CCDC33: variants seen among roughly 807,000 people sequenced by gnomAD.
CCDC33 encodes coiled-coil domain-containing protein 33.
A neutral mutation model predicts 91.9 loss-of-function variants in CCDC33; 94 were observed. The observed-to-expected ratio is 1.02, with a 90% CI of 0.87 to 1.21. CCDC33 has a LOEUF of 1.21. Ranked by LOEUF, CCDC33 falls within the 50% of genes most tolerant of loss-of-function variation. CCDC33 has a pLI of 0.00. For missense variants in CCDC33, 940 were observed against 935.5 expected (o/e 1.00, Z -0.06); for synonymous variants, 396 against 374.5 (o/e 1.06, Z -0.66).
At chr15:74,230,850 C>T (rs957976518) in intron 2 of CCDC33, among the ~76,000 whole-genome samples, 1 of 152,218 alleles carries the variant, frequency 6.6e-6, no homozygotes, top group Admixed American at 6.5e-5. Flanking sequence ...TCTGAGGGAT[C>T]AGGGGGTTTG....
At chr15:74,246,417 G>T (rs1463440190) in intron 2 of CCDC33, among the ~76,000 whole-genome samples, 2 of 152,330 alleles carry the variant, frequency 1.3e-5, no homozygotes, top group African/African-American at 4.8e-5. Flanking sequence ...TGCAAAACAT[G>T]TATCGGATAA....
chr15:74,224,086 G>A (rs748608), intron 2 of CCDC33, among the ~76,000 whole-genome samples: 63,956 of 152,088 alleles, frequency 0.42, 13,988 homozygotes, highest in South Asian at 0.61. Flanking sequence ...CTGTCATGGC[G>A]TTCTCAGAGA....
intron 11 of CCDC33, chr15:74,304,229 T>TG (rs1451387123): frequency 1.3e-5 from 2 of 152,184 alleles, no homozygotes; most frequent in Admixed American, 1.3e-4. Flanking sequence ...AACAAGAGAA[T>TG]GAGGGGCAAT....
chr15:74,306,510 A>C (rs1190908389), intron 11 of CCDC33, among the ~76,000 whole-genome samples: 1 of 152,130 alleles, frequency 6.6e-6, no homozygotes, highest in Non-Finnish European at 1.5e-5. Context: ...GAATCTGTTG[A>C]TCTGTTGAGT....
intron 5 of CCDC33, among the ~76,000 whole-genome samples, chr15:74,269,310 C>T (rs747263252): frequency 1.7e-4 from 26 of 152,262 alleles, no homozygotes; most frequent in Non-Finnish European, 3.4e-4. Context: ...TCCTTCCCAC[C>T]CCCCTACTTC....
chr15:74,289,113 G>T (rs951160531), intron 10 of CCDC33, among the ~76,000 whole-genome samples: 2 of 152,246 alleles, frequency 1.3e-5, no homozygotes, highest in African/African-American at 4.8e-5. Context: ...CTCGGTGCCC[G>T]CCCCTCATGA....
intron 10 of CCDC33, among the ~76,000 whole-genome samples, chr15:74,293,360 G>T (rs1192759905): frequency 6.6e-6 from 1 of 152,166 alleles, no homozygotes; most frequent in Admixed American, 6.5e-5. Context: ...TGGGAAGGTG[G>T]TCTTTGCCCT....
intron 11 of CCDC33, among the ~76,000 whole-genome samples, chr15:74,320,460 G>A (rs926580735): frequency 2.0e-5 from 3 of 151,998 alleles, no homozygotes; most frequent in Non-Finnish European, 2.9e-5. Context: ...CCCACACAAG[G>A]CCTGCCTCCC....
intron 13 of CCDC33, 70 bp downstream of exon 13, chr15:74,330,821 G>A: frequency 6.6e-7 from 1 of 1,512,560 alleles, no homozygotes; most frequent in Non-Finnish European, 9.1e-7. Context: ...AGAAGAGTCT[G>A]GGAGGAGAAG....
intron 2 of CCDC33, among the ~76,000 whole-genome samples, chr15:74,229,113 G>A (rs351170): frequency 0.64 from 97,460 of 152,080 alleles, 31,954 homozygotes; most frequent in Non-Finnish European, 0.71. Context: ...AAGCACCTCA[G>A]TAAGGAGAGT....
chr15:74,205,486 C>T (rs2074239447), intron 1 of CCDC33, among the ~76,000 whole-genome samples: 1 of 152,108 alleles, frequency 6.6e-6, no homozygotes, highest in African/African-American at 2.4e-5. Flanking sequence ...ACTGATAGAG[C>T]GAGAACTCAC....
chr15:74,264,045 T>C (rs146153070), intron 3 of CCDC33, among the ~76,000 whole-genome samples: 1 of 152,016 alleles, frequency 6.6e-6, no homozygotes. Flanking sequence ...CCAGGGCCCA[T>C]CTGTGCAGCA....
chr15:74,260,894 A>G (rs2076005886), intron 2 of CCDC33, among the ~76,000 whole-genome samples: 1 of 152,254 alleles, frequency 6.6e-6, no homozygotes, highest in Admixed American at 6.5e-5. Flanking sequence ...ACTAAGAATT[A>G]TTAACACTTT....
At chr15:74,292,371 G>T (rs1567006828) in intron 10 of CCDC33, among the ~76,000 whole-genome samples, 1 of 152,200 alleles carries the variant, frequency 6.6e-6, no homozygotes, top group Non-Finnish European at 1.5e-5. Flanking sequence ...TCCTTGAGAA[G>T]CAAGGGGCTG....
Position 74,295,834 on chromosome 15 carries a change from A to G in CCDC33, c.1176A>G (p.Arg392=). The change falls in exon 11 of 19, where the codon AGA becomes AGG. Residue 392 remains arginine, a synonymous_variant. Transcript: ENST00000398814. ...LDPKILDKKL[R]TIQESWSKDT... ...CCAAGATCCTGGATAAGAAGCTGAGAACCATCCAAGAGTCCTGGTCCAAGG... is the reference window on the plus strand; with the variant it reads ...CCAAGATCCTGGATAAGAAGCTGAGGACCATCCAAGAGTCCTGGTCCAAGG... 1 of 1,614,214 alleles carries G rather than the reference A, an allele frequency of 6.2e-7. No individual in the cohort carries two copies. Among genetic ancestry groups the G allele is most frequent in the South Asian group, 1.1e-5 (1 of 91,084 alleles).
At position 74,331,247 on chromosome 15, in the gene CCDC33, C is replaced by T; in HGVS notation, c.1722C>T (p.Asp574=). ...GGGTGCTGGAGGACAGGCTGCAGGA[C>T]AGGAGCAAGCCCCCTCCTCTGAACA... ...MERVLEDRLQ[D]RSKPPPLNRQ... The change falls in exon 15 of 19, where the codon GAC becomes GAT. Residue 574 remains aspartate (D), a synonymous_variant. Transcript: ENST00000398814. 6.2e-7 allele frequency: 1 copy of T among 1,614,158 alleles called. No homozygotes were observed. Among genetic ancestry groups the T allele is most frequent in the Non-Finnish European group, 8.5e-7 (1 of 1,179,992 alleles).
chr15:74,277,651 T>A (rs1469478606), intron 7 of CCDC33, among the ~76,000 whole-genome samples: 1 of 152,214 alleles, frequency 6.6e-6, no homozygotes, highest in Non-Finnish European at 1.5e-5. Flanking sequence ...GCAGGTCTTC[T>A]AACTTTGAGT....
chr15:74,296,462 T>TA (rs939036613), intron 11 of CCDC33, among the ~76,000 whole-genome samples: 3 of 151,854 alleles, frequency 2.0e-5, no homozygotes, highest in Non-Finnish European at 4.4e-5. Context: ...CCGTCTCTAC[T>TA]AAAAAAATAC....
At chr15:74,208,383 G>A (rs912223894) in intron 1 of CCDC33, among the ~76,000 whole-genome samples, 3 of 152,100 alleles carry the variant, frequency 2.0e-5, no homozygotes, top group Non-Finnish European at 2.9e-5. Context: ...TTCCTCCCTG[G>A]GCTGGCCACC....
Sources: gnomAD v4.1 joint callset for allele counts (sites outside exome capture counted in the v4.1 genomes callset) on GRCh38, gnomAD v4.1.1 for gene constraint, MANE v1.5 for transcripts, NCBI Gene and HGNC (gene_info 2026-07-23, HGNC 2026-07-21) for gene names.